The following ADAMTSL3 variants were observed in gnomAD, a reference collection of about 807,000 sequenced individuals.
The protein encoded by ADAMTSL3 is ADAMTS like 3, also known as ADAMTS-like protein 3.
ADAMTSL3 carries 128 observed loss-of-function variants against 201.7 expected under a neutral mutation model. The ratio of observed to expected loss-of-function variants is 0.63; its 90% CI spans 0.55 to 0.73. The LOEUF (loss-of-function observed/expected upper bound fraction) is 0.73, where lower values mean the gene tolerates loss of function less well. Ranked by LOEUF, ADAMTSL3 falls within the 30% of genes least tolerant of loss-of-function variation. ADAMTSL3 has a pLI of 0.00. For missense variants in ADAMTSL3, 1,990 were observed against 2,119.6 expected (o/e 0.94, Z 1.20); for synonymous variants, 738 against 748.4 (o/e 0.99, Z 0.23).
In ADAMTSL3 at chr15:83,777,475, G is replaced by C. The variant is rs1416972852; in HGVS notation, c.317+3825G>C. ...GCCCAATACAAGTACCCCAGAATTA[G>C]AACATCCAGTCCAGGTATTGGGAGC... On this transcript the variant is annotated intron_variant, in intron 4 of 29. Transcript: ENST00000286744. 2.6e-5 allele frequency among the ~76,000 whole-genome samples: 4 copies of C among 152,102 alleles called. No homozygotes were observed. In the East Asian group the frequency reaches 7.7e-4, roughly 29 times the overall value.
intron 3 of ADAMTSL3, among the ~76,000 whole-genome samples, chr15:83,726,314 C>G (rs1221813777): frequency 6.6e-6 from 1 of 151,834 alleles, no homozygotes; most frequent in Non-Finnish European, 1.5e-5. Context: ...TAGTTTTTTC[C>G]AAATATAAGA....
chr15:83,771,945 C>T (rs1344566269), intron 3 of ADAMTSL3, among the ~76,000 whole-genome samples: 5 of 152,060 alleles, frequency 3.3e-5, no homozygotes, highest in African/African-American at 9.7e-5. Flanking sequence ...CTCTGCCTCC[C>T]GGGTTCAAGC....
In ADAMTSL3 at chr15:83,942,928, C is replaced by T. The variant is rs765360814; in HGVS notation, c.2336C>T (p.Thr779Ile). The change falls in exon 19 of 30, where the codon ACT becomes ATT. Residue 779 changes from threonine (T) to isoleucine (I), a missense_variant. Coordinates refer to ENST00000286744, the MANE Select transcript of ADAMTSL3 (RefSeq NM_207517.3). The part of the protein sequence containing the change: ...QQCSRTCGGG[T>I]QNRRVTCRQL... The stretch of plus-strand genomic sequence containing the variant: ...TGTTCCAGGACTTGTGGCGGGGGAA[C>T]TCAGAACAGAAGAGTCACCTGTCGG... 2 of 1,601,562 alleles carry T rather than the reference C, an allele frequency of 1.2e-6. No homozygotes were observed. The highest frequency in any genetic ancestry group is 2.3e-5 in the South Asian group (2 of 87,888).
At chr15:83,918,314 G>A (rs1354318760) in intron 16 of ADAMTSL3, among the ~76,000 whole-genome samples, 1 of 152,226 alleles carries the variant, frequency 6.6e-6, no homozygotes, top group East Asian at 1.9e-4. Flanking sequence ...CTAGGTGATA[G>A]TGACTCAGTA....
chr15:83,932,638 A>G (rs1383361272), intron 17 of ADAMTSL3, among the ~76,000 whole-genome samples: 2 of 152,206 alleles, frequency 1.3e-5, no homozygotes, highest in Admixed American at 6.5e-5. Context: ...TAAGAGCTAC[A>G]AGTAGCCCTT....
At chr15:83,842,039 C>G (rs913551787) in intron 7 of ADAMTSL3, among the ~76,000 whole-genome samples, 1 of 151,456 alleles carries the variant, frequency 6.6e-6, no homozygotes, top group African/African-American at 2.4e-5. Context: ...CTCCATCCCC[C>G]TTCTGCCTCC....
intron 3 of ADAMTSL3, 40 bp from the exon 4 acceptor site, chr15:83,773,483 G>T (rs370782586): frequency 2.3e-5 from 37 of 1,601,346 alleles, no homozygotes; most frequent in Non-Finnish European, 3.2e-5. Context: ...ATACTTTATT[G>T]TGTGGTTTTT....
At chr15:83,793,727 T>C (rs1395649532) in intron 4 of ADAMTSL3, among the ~76,000 whole-genome samples, 1 of 152,152 alleles carries the variant, frequency 6.6e-6, no homozygotes, top group Non-Finnish European at 1.5e-5. Context: ...TCTGCCTGCC[T>C]CAGCCTCCCA....
intron 2 of ADAMTSL3, among the ~76,000 whole-genome samples, chr15:83,701,901 C>G (rs938472411): frequency 6.6e-6 from 1 of 152,076 alleles, no homozygotes; most frequent in Non-Finnish European, 1.5e-5. Flanking sequence ...AACTGGGTAA[C>G]AAGCAGAGGT....
intron 15 of ADAMTSL3, among the ~76,000 whole-genome samples, chr15:83,905,448 G>C (rs1567227102): frequency 6.6e-6 from 1 of 152,170 alleles, no homozygotes; most frequent in Non-Finnish European, 1.5e-5. Flanking sequence ...TGCTAAGGTG[G>C]TCTGAGGTGG....
intron 3 of ADAMTSL3, among the ~76,000 whole-genome samples, chr15:83,747,464 A>G (rs1056309767): frequency 6.6e-6 from 1 of 152,130 alleles, no homozygotes; most frequent in Non-Finnish European, 1.5e-5. Context: ...ACTTCCTCTC[A>G]GGTACCCATC....
intron 17 of ADAMTSL3, among the ~76,000 whole-genome samples, chr15:83,931,340 C>T (rs2066351403): frequency 6.6e-6 from 1 of 152,178 alleles, no homozygotes; most frequent in African/African-American, 2.4e-5. Context: ...TTGCCCATTT[C>T]TTAAATAAAA....
intron 6 of ADAMTSL3, among the ~76,000 whole-genome samples, chr15:83,831,100 G>T (rs913210455): frequency 6.6e-6 from 1 of 152,174 alleles, no homozygotes; most frequent in African/African-American, 2.4e-5. Context: ...TTCCTTGCTT[G>T]TGGAAGCATC....
intron 4 of ADAMTSL3, among the ~76,000 whole-genome samples, chr15:83,781,186 G>A (rs190945050): frequency 1.1e-3 from 161 of 152,246 alleles, no homozygotes; most frequent in Middle Eastern, 3.4e-3. Flanking sequence ...AAAGCTGGAG[G>A]CATCATGCCG....
intron 23 of ADAMTSL3, among the ~76,000 whole-genome samples, chr15:83,991,475 T>C (rs550171379): frequency 9.8e-5 from 15 of 152,306 alleles, no homozygotes; most frequent in Admixed American, 4.6e-4. Flanking sequence ...CACTGGAATG[T>C]TCATATTGGC....
At chr15:83,715,239 G>A (rs2062001015) in intron 3 of ADAMTSL3, among the ~76,000 whole-genome samples, 1 of 152,150 alleles carries the variant, frequency 6.6e-6, no homozygotes, top group African/African-American at 2.4e-5. Context: ...GATAGCTCAG[G>A]ACAGTGACTG....
Position 83,875,769 on chromosome 15 carries a change from G to A in ADAMTSL3, c.960+4810G>A, listed in dbSNP as rs148229120. On this transcript the variant is annotated intron_variant, in intron 9 of 29. Transcript: ENST00000286744. ...CCGCACTCTGGCCGGGTGACAGAGC[G>A]AGACTTCATCTCAAAAAATAAAATA... Among the ~76,000 whole-genome samples the A allele has an allele frequency of 9.4e-4, 143 of 152,192 alleles. 1 individual carries two copies. Among genetic ancestry groups the A allele is most frequent in the African/African-American group, 3.3e-3 (137 of 41,538 alleles).
chr15:83,792,235 G>A (rs1217518417), intron 4 of ADAMTSL3, among the ~76,000 whole-genome samples: 1 of 152,142 alleles, frequency 6.6e-6, no homozygotes, highest in Non-Finnish European at 1.5e-5. Flanking sequence ...ATATACATAG[G>A]ATGAACATGG....
intron 9 of ADAMTSL3, among the ~76,000 whole-genome samples, chr15:83,882,762 A>G (rs866426281): frequency 6.6e-5 from 10 of 152,294 alleles, no homozygotes; most frequent in Middle Eastern, 3.4e-3. Flanking sequence ...CTTGAATCCA[A>G]TATTGCTTGT....
Sources: allele counts gnomAD v4.1 joint callset (sites outside exome capture counted in the v4.1 genomes callset), GRCh38; gene constraint gnomAD v4.1.1; transcripts MANE v1.5; gene names NCBI Gene and HGNC (gene_info 2026-07-23, HGNC 2026-07-21).